Variants in SCAF8 observed in about 807,000 individuals in gnomAD.
SCAF8 encodes SR-related and CTD-associated factor 8.
Under a neutral mutation model 140.5 loss-of-function variants are expected in SCAF8, and 23 were observed. The observed-to-expected ratio is 0.16, with a 90% CI of 0.12 to 0.23. The LOEUF is 0.23. Among genes scored for constraint, SCAF8 ranks in the 10% least tolerant of loss-of-function variants. The pLI, the probability that SCAF8 is intolerant of heterozygous loss-of-function variation, is 1.00. For missense variants in SCAF8, 1,397 were observed against 1,555.7 expected, an observed-to-expected ratio of 0.90 and a Z score of 1.72; for synonymous variants, 575 against 528.9, an observed-to-expected ratio of 1.09 and a Z score of -1.20.
chr6:154,755,049 T>G (rs2114814096), intron 1 of SCAF8, among the ~76,000 whole-genome samples: 1 of 152,320 alleles, frequency 6.6e-6, no homozygotes, highest in East Asian at 1.9e-4. Flanking sequence ...TCCATACTTT[T>G]GTCAGTCATG....
intron 7 of SCAF8, among the ~76,000 whole-genome samples, chr6:154,802,939 T>C (rs1163256064): frequency 3.9e-5 from 6 of 152,226 alleles, no homozygotes; most frequent in South Asian, 2.1e-4. Flanking sequence ...TTAAAATCTT[T>C]CATGTACAAT....
In SCAF8 at chr6:154,833,299, G is replaced by A. The variant is rs1778807658; in HGVS notation, c.3720G>A (p.Leu1240=). 1 of 1,613,938 alleles carries A rather than the reference G, an allele frequency of 6.2e-7. No individual in the cohort carries two copies. Among genetic ancestry groups the A allele is most frequent in the Non-Finnish European group, 8.5e-7 (1 of 1,179,948 alleles). Residue 1240 remains leucine (L), a synonymous_variant, in exon 20 of 20, where the codon CTG becomes CTA. Transcript: ENST00000367178. The part of the protein sequence containing the change: ...VQNDPELYEK[L]TSSNEINKEK... ...ATGATCCTGAACTTTATGAAAAACT[G>A]ACATCTTCAAATGAAATAAACAAGG... is the stretch of plus-strand genomic sequence containing the variant.
At chr6:154,757,628 A>G (rs1778999585) in intron 1 of SCAF8, among the ~76,000 whole-genome samples, 1 of 152,180 alleles carries the variant, frequency 6.6e-6, no homozygotes, top group Non-Finnish European at 1.5e-5. Context: ...AAATACCTTT[A>G]TTGGCTGCTA....
intron 11 of SCAF8, among the ~76,000 whole-genome samples, chr6:154,809,296 T>C (rs991945973): frequency 6.6e-6 from 1 of 152,182 alleles, no homozygotes; most frequent in Non-Finnish European, 1.5e-5. Context: ...TTTTTGCGTA[T>C]GAATGCCCCT....
intron 1 of SCAF8, among the ~76,000 whole-genome samples, chr6:154,772,694 A>G (rs1776805069): frequency 6.6e-6 from 1 of 152,130 alleles, no homozygotes; most frequent in Non-Finnish European, 1.5e-5. Flanking sequence ...GTCTCAATCA[A>G]TCAATCAATC....
intron 1 of SCAF8, among the ~76,000 whole-genome samples, chr6:154,770,283 G>A (rs577839522): frequency 7.9e-5 from 12 of 151,340 alleles, no homozygotes; most frequent in Middle Eastern, 3.4e-3. Context: ...ACAAAACCCC[G>A]TCTTTACAAA....
intron 12 of SCAF8, among the ~76,000 whole-genome samples, chr6:154,812,506 G>C (rs1240425976): frequency 6.6e-6 from 1 of 151,866 alleles, no homozygotes; most frequent in Non-Finnish European, 1.5e-5. Flanking sequence ...GTAGCTCCAA[G>C]GTATGCCTAT....
At chr6:154,808,955 CTGTTTTAATTGGTATATCTGT>C (rs1279522890) in intron 11 of SCAF8, among the ~76,000 whole-genome samples, 157 bp downstream of exon 11, 1 of 152,066 alleles carries the variant, frequency 6.6e-6, no homozygotes, top group Non-Finnish European at 1.5e-5. Flanking sequence ...AACCTTTGTT[CTGTTTTAATTGGTATATCTGT>C]GGCTATTTAT....
At chr6:154,753,949 C>T (rs1194665209) in intron 1 of SCAF8, among the ~76,000 whole-genome samples, 1 of 152,180 alleles carries the variant, frequency 6.6e-6, no homozygotes, top group Non-Finnish European at 1.5e-5. Context: ...GTGATCCTCC[C>T]TCCTCGGCCT....
At chr6:154,771,311 T>C (rs958719986) in intron 1 of SCAF8, among the ~76,000 whole-genome samples, 1 of 152,088 alleles carries the variant, frequency 6.6e-6, no homozygotes, top group African/African-American at 2.4e-5. Flanking sequence ...GATGGATGGG[T>C]ATGCATTAAC....
At chr6:154,792,710 T>C (rs1374251883) in intron 4 of SCAF8, 113 bp from the exon 5 acceptor site, 7 of 655,244 alleles carry the variant, frequency 1.1e-5, no homozygotes, top group African/African-American at 1.9e-5. Flanking sequence ...GAAAGTACCA[T>C]TGAAGTATTT....
At chr6:154,805,278 A>AT in intron 8 of SCAF8, 91 bp from the exon 9 acceptor site, 2 of 694,548 alleles carry the variant, frequency 2.9e-6, no homozygotes, top group Non-Finnish European at 5.0e-6. Context: ...GTTTTATTGA[A>AT]TTGACTTTTT....
intron 15 of SCAF8, 35 bp from the exon 16 acceptor site, chr6:154,822,241 A>G (rs750067602): frequency 1.3e-6 from 2 of 1,588,518 alleles, no homozygotes; most frequent in Admixed American, 1.8e-5. Flanking sequence ...AGTTGCACCT[A>G]TCCAAAGGAA....
At chr6:154,822,723 G>A (rs1778456786) in intron 16 of SCAF8, among the ~76,000 whole-genome samples, 1 of 152,058 alleles carries the variant, frequency 6.6e-6, no homozygotes, top group African/African-American at 2.4e-5. Context: ...ATTTTAATGA[G>A]TTTGATTAAA....
intron 1 of SCAF8, among the ~76,000 whole-genome samples, chr6:154,766,624 T>A: frequency 6.6e-6 from 1 of 150,960 alleles, no homozygotes; most frequent in Non-Finnish European, 1.5e-5. Context: ...TCTCCAAGAT[T>A]CATATCCTGA....
intron 1 of SCAF8, among the ~76,000 whole-genome samples, chr6:154,740,626 T>TTC (rs1171269886): frequency 2.7e-5 from 1 of 37,522 alleles, no homozygotes; most frequent in Non-Finnish European, 4.7e-5. Flanking sequence ...TTTCTTTTTC[T>TTC]TTTTTTTTTT....
Position 154,833,343 on chromosome 6 carries a change from C to G in SCAF8, c.3764C>G (p.Ala1255Gly). ...EINKEKSDTV[A>G]DIESEPVVES... ...AACAAGGAGAAGAGTGACACAGTTG[C>G]TGATATAGAAAGTGAACCAGTGGTA... The change falls in exon 20 of 20, where the codon GCT becomes GGT. Residue 1255 changes from alanine (A) to glycine (G), a missense_variant. By Grantham distance (60) the Ala-to-Gly change is moderately conservative. Transcript: ENST00000367178. 6 of 1,613,858 alleles carry G rather than the reference C, an allele frequency of 3.7e-6. No homozygotes were observed. Among genetic ancestry groups the G allele is most frequent in the Non-Finnish European group, 5.1e-6 (6 of 1,179,884 alleles).
In SCAF8 at chr6:154,749,654, A is replaced by T. The variant is rs549010111; in HGVS notation, c.30+15724A>T. 6.4e-4 allele frequency among the ~76,000 whole-genome samples: 97 copies of T among 152,298 alleles called. 5 individuals are homozygous for T. In the South Asian group the frequency reaches 0.017, roughly 27 times the overall value. On this transcript the variant is annotated intron_variant, in intron 1 of 19. Transcript: ENST00000367178. ...AAAACGTAAAAGCTCATTGTCAAGG[A>T]AATTGCAGCTTTGGGTAGGGGATAG... is the stretch of plus-strand genomic sequence containing the variant.
rs1562455374 is a variant in SCAF8, at chr6:154,805,459, G to A, written c.954G>A (p.Gln318=). Residue 318 remains glutamine, a synonymous_variant, in exon 9 of 20, where the codon CAG becomes CAA. Coordinates refer to ENST00000367178, the MANE Select transcript of SCAF8 (RefSeq NM_014892.5). ...AAAACCTAGAACATCTCAGACAGCA[G>A]CTCTTGGAGCAGCAACAGCCTCAAA... ...QQQNLEHLRQ[Q]LLEQQQPQKA... 2 of 1,608,278 alleles carry A rather than the reference G, an allele frequency of 1.2e-6. No individual in the cohort carries two copies. The highest frequency in any genetic ancestry group is 1.1e-5 in the South Asian group (1 of 90,474).
Sources: allele counts gnomAD v4.1 joint callset (sites outside exome capture counted in the v4.1 genomes callset), GRCh38; gene constraint gnomAD v4.1.1; transcripts MANE v1.5; gene names NCBI Gene and HGNC (gene_info 2026-07-23, HGNC 2026-07-21).